The following EYS variants were observed in gnomAD, a reference collection of about 807,000 sequenced individuals.
EYS encodes the protein EGF-like photoreceptor maintenance factor.
A neutral mutation model predicts 282.1 loss-of-function variants in EYS; 250 were observed. That is an observed-to-expected ratio of 0.89 (90% CI 0.80 to 0.98). The LOEUF (loss-of-function observed/expected upper bound fraction) is 0.98. Ranked by LOEUF, EYS falls within the 50% of genes least tolerant of loss-of-function variation. The pLI is 0.00. For synonymous variants in EYS, 1,355 were observed against 1,282.9 expected, an observed-to-expected ratio of 1.06 and a Z score of -1.20; for missense variants, 4,016 against 3,709.0, an observed-to-expected ratio of 1.08 and a Z score of -2.15.
chr6:65,001,195 T>C (rs1771453753), intron 13 of EYS, among the ~76,000 whole-genome samples: 1 of 120,770 alleles, frequency 8.3e-6, no homozygotes, highest in Non-Finnish European at 2.0e-5. Context: ...AAGGCCAGTA[T>C]GATAGCTATC....
At chr6:64,531,248 C>T (rs1764324144) in intron 26 of EYS, among the ~76,000 whole-genome samples, 1 of 152,060 alleles carries the variant, frequency 6.6e-6, no homozygotes. Context: ...AGAATAACAA[C>T]AAAATATAAA....
chr6:65,276,176 T>C (rs2150270430), intron 12 of EYS, among the ~76,000 whole-genome samples: 1 of 152,184 alleles, frequency 6.6e-6, no homozygotes, highest in East Asian at 1.9e-4. Flanking sequence ...TGATAATATC[T>C]CACAAGAGGG....
intron 22 of EYS, among the ~76,000 whole-genome samples, chr6:64,789,812 G>T (rs1774132283): frequency 6.6e-6 from 1 of 151,664 alleles, no homozygotes; most frequent in African/African-American, 2.4e-5. Flanking sequence ...CACAGCAGAT[G>T]CTCAGTAAGT....
At chr6:64,314,324 G>A (rs963547811) in intron 29 of EYS, among the ~76,000 whole-genome samples, 4 of 151,602 alleles carry the variant, frequency 2.6e-5, no homozygotes, top group Non-Finnish European at 5.9e-5. Context: ...AATGCAACAG[G>A]AAGAGCTAAC....
intron 29 of EYS, among the ~76,000 whole-genome samples, chr6:64,310,078 A>AAAC (rs1554142131): frequency 1.5e-4 from 22 of 145,218 alleles, no homozygotes; most frequent in African/African-American, 5.4e-4. Context: ...ATAAAAAAAA[A>AAAC]AATAACAGAT....
chr6:64,095,711 T>G (rs1333128598), intron 31 of EYS, among the ~76,000 whole-genome samples: 11 of 152,228 alleles, frequency 7.2e-5, no homozygotes, highest in African/African-American at 1.2e-4. Context: ...TTTATCCAAT[T>G]TGCCAGGCTG....
intron 26 of EYS, among the ~76,000 whole-genome samples, chr6:64,566,939 A>G (rs1765584785): frequency 6.6e-6 from 1 of 152,012 alleles, no homozygotes; most frequent in East Asian, 1.9e-4. Context: ...ATGCCCAGCT[A>G]ATGTTTTGAG....
chr6:64,365,805 ATCTC>A (rs912266635), intron 29 of EYS, among the ~76,000 whole-genome samples: 3 of 151,982 alleles, frequency 2.0e-5, no homozygotes, highest in Non-Finnish European at 4.4e-5. Context: ...CATGAATGTC[ATCTC>A]TCTCTCTTCC....
chr6:65,627,539 G>A (rs1766752294), intron 2 of EYS, among the ~76,000 whole-genome samples: 1 of 152,178 alleles, frequency 6.6e-6, no homozygotes, highest in African/African-American at 2.4e-5. Context: ...AGAGGTGCGA[G>A]CAGGAACCGG....
chr6:65,289,792 A>G (rs547858909), intron 12 of EYS, among the ~76,000 whole-genome samples: 14 of 151,168 alleles, frequency 9.3e-5, no homozygotes, highest in Non-Finnish European at 1.6e-4. Context: ...GGTAGGTGCT[A>G]GAAATTCTCT....
chr6:64,393,750 C>T (rs1197608001), intron 28 of EYS, among the ~76,000 whole-genome samples: 4 of 151,752 alleles, frequency 2.6e-5, no homozygotes, highest in East Asian at 3.9e-4. Context: ...CTCACCACTC[C>T]TATTCAACAT....
intron 14 of EYS, among the ~76,000 whole-genome samples, chr6:64,985,804 T>C (rs2150119406): frequency 6.6e-6 from 1 of 151,566 alleles, no homozygotes; most frequent in African/African-American, 2.4e-5. Flanking sequence ...CCGGAGAAAG[T>C]GTAGAGTAAG....
chr6:64,235,756 T>G (rs911122360), intron 30 of EYS, among the ~76,000 whole-genome samples: 5 of 152,114 alleles, frequency 3.3e-5, no homozygotes, highest in African/African-American at 9.7e-5. Flanking sequence ...CACCTGTTGT[T>G]TCCTGACTTT....
intron 31 of EYS, among the ~76,000 whole-genome samples, chr6:64,123,073 A>C (rs1773644342): frequency 6.6e-6 from 1 of 152,208 alleles, no homozygotes; most frequent in African/African-American, 2.4e-5. Flanking sequence ...ATAAAGACAC[A>C]GAACCTGGTA....
chr6:64,888,329 C>T (rs545632583), intron 18 of EYS, among the ~76,000 whole-genome samples: 2 of 151,944 alleles, frequency 1.3e-5, no homozygotes, highest in African/African-American at 2.4e-5. Flanking sequence ...GATCTCTATG[C>T]TAATTATCCT....
At chr6:65,228,951 T>C (rs1766698849) in intron 12 of EYS, among the ~76,000 whole-genome samples, 2 of 151,836 alleles carry the variant, frequency 1.3e-5, no homozygotes, top group Non-Finnish European at 2.9e-5. Flanking sequence ...CAGATTGTTG[T>C]TTCAAAAAAA....
chr6:63,930,560 ATTGT>A (rs1764859543), intron 35 of EYS, among the ~76,000 whole-genome samples: 1 of 152,168 alleles, frequency 6.6e-6, no homozygotes, highest in African/African-American at 2.4e-5. Context: ...TTTTCAAATC[ATTGT>A]TTTTTTAACT....
chr6:65,175,993 G>C (rs1201275394), intron 12 of EYS, among the ~76,000 whole-genome samples: 5 of 151,326 alleles, frequency 3.3e-5, no homozygotes, highest in Admixed American at 6.6e-5. Flanking sequence ...TTGATGTTTT[G>C]ATATATGTAA....
intron 31 of EYS, among the ~76,000 whole-genome samples, chr6:64,190,283 G>A (rs751562501): frequency 2.0e-5 from 3 of 152,176 alleles, no homozygotes; most frequent in Non-Finnish European, 4.4e-5. Flanking sequence ...TGCACTTTAA[G>A]TAAGTACATT....
Sources: gnomAD v4.1 joint callset for allele counts (sites outside exome capture counted in the v4.1 genomes callset) on GRCh38, gnomAD v4.1.1 for gene constraint, MANE v1.5 for transcripts, NCBI Gene and HGNC (gene_info 2026-07-23, HGNC 2026-07-21) for gene names.